The following ZAR1L variants were observed in gnomAD, a reference collection of about 807,000 sequenced individuals.
The protein encoded by ZAR1L is zygote arrest 1 like.
In ZAR1L, 16 loss-of-function variants were observed where a neutral mutation model predicts 30.0. That is an observed-to-expected ratio of 0.53 (90% confidence interval 0.36 to 0.81). The LOEUF (loss-of-function observed/expected upper bound fraction) is 0.81. Among genes scored for constraint, ZAR1L ranks in the 30% least tolerant of loss-of-function variants. ZAR1L has a pLI of 0.00. For synonymous variants in ZAR1L, 197 were observed against 166.8 expected (o/e 1.18, Z -1.40); for missense variants, 392 against 417.2 (o/e 0.94, Z 0.53).
chr13:32,314,184 A>G lies in ZAR1L; in HGVS notation c.-169+146T>C, dbSNP rs533771577. On this transcript the variant is annotated intron_variant, in intron 2 of 5. Coordinates refer to ENST00000533490, the MANE Select transcript of ZAR1L (RefSeq NM_001136571.2). ...TGTTTGGTAAGTGGCAGCTGTTATT[A>G]GTAAGGATCACAGACGTATTTCTTT... 3 of 151,496 alleles carry G rather than the reference A, an allele frequency of 2.0e-5. No individual in the cohort carries two copies. In the East Asian group the frequency reaches 5.9e-4, roughly 30 times the overall value. The allele number at this position is 151,496 out of a possible 1,614,324, so 9.4% of individuals were successfully genotyped here.
Position 32,310,745 on chromosome 13 carries a change from A to G in ZAR1L, c.655-14T>C, listed in dbSNP as rs1340126578. 5 of 1,516,126 alleles carry G rather than the reference A, an allele frequency of 3.3e-6. No individual in the cohort carries two copies. Among genetic ancestry groups the G allele is most frequent in the Non-Finnish European group, 4.5e-6 (5 of 1,114,710 alleles). 93.9% of individuals were successfully genotyped at this position (1,516,126 alleles called of 1,614,324 possible). On this transcript the variant is annotated splice_polypyrimidine_tract_variant and intron_variant, in intron 3 of 5. Coordinates refer to ENST00000533490, the MANE Select transcript of ZAR1L (RefSeq NM_001136571.2). ...TGGTTCCAAAAACTGAAAATAAAGAAGAAAAGTACTTTACCATCATGCAAG... is the reference window on the plus strand; with the variant it reads ...TGGTTCCAAAAACTGAAAATAAAGAGGAAAAGTACTTTACCATCATGCAAG...
At position 32,311,357 on chromosome 13, in the gene ZAR1L, T is replaced by A; in HGVS notation, c.569A>T (p.Lys190Ile). ...CGTCTCCTGAGGGCACGGGGCGTCTTTCTCCCCCGATTCCTCCAGCTGCCC... is the reference window on the plus strand; with the variant it reads ...CGTCTCCTGAGGGCACGGGGCGTCTATCTCCCCCGATTCCTCCAGCTGCCC... ...EPGQLEESGE[K>I]DAPCPQETKS... The change falls in exon 3 of 6, where the codon AAA becomes ATA. Residue 190 changes from lysine to isoleucine, a missense_variant. Coordinates refer to ENST00000533490, the MANE Select transcript of ZAR1L (RefSeq NM_001136571.2). 6.4e-7 allele frequency: 1 copy of A among 1,550,972 alleles called. No homozygotes were observed. Among genetic ancestry groups the A allele is most frequent in the South Asian group, 1.2e-5 (1 of 84,064 alleles).
chr13:32,311,695 G>A lies in ZAR1L; in HGVS notation c.231C>T (p.Pro77=), dbSNP rs1230258874. Residue 77 remains proline (P), a synonymous_variant, in exon 3 of 6, where the codon CCC becomes CCT. Transcript: ENST00000533490. ...QLKAILSQMN[P]SLSPRLCKPN... is the part of the protein sequence containing the mutation. ...GCTTGCACAGCCGCGGGCTCAGGCTGGGGTTCATCTGGGAGAGAATGGCCT... is the reference window on the plus strand; with the variant it reads ...GCTTGCACAGCCGCGGGCTCAGGCTAGGGTTCATCTGGGAGAGAATGGCCT... 1.9e-5 allele frequency: 29 copies of A among 1,551,688 alleles called. No individual in the cohort carries two copies. Among genetic ancestry groups the A allele is most frequent in the Non-Finnish European group, 2.5e-5 (29 of 1,147,004 alleles).
rs778268785 is a variant in ZAR1L at position 32,314,455 on chromosome 13, T to C, written c.-294A>G. The C allele has an allele frequency of 4.6e-5, 7 of 152,278 alleles. No homozygotes were observed. Among genetic ancestry groups the C allele is most frequent in the Non-Finnish European group, 7.3e-5 (5 of 68,056 alleles). 9.4% of individuals were successfully genotyped at this position (152,278 alleles called of 1,614,324 possible). ...TTTGTAGGTCTTACAACAAACCCTA[T>C]TCAGCCTTGTATTAGGCATGTTACA... is the stretch of plus-strand genomic sequence containing the variant. On this transcript the variant is annotated 5_prime_UTR_variant, in exon 2 of 6. Coordinates refer to ENST00000533490, the MANE Select transcript of ZAR1L (RefSeq NM_001136571.2).
intron 2 of ZAR1L, among the ~76,000 whole-genome samples, chr13:32,312,926 C>A (rs1288710889): frequency 6.6e-6 from 1 of 152,090 alleles, no homozygotes; most frequent in Admixed American, 6.5e-5. Flanking sequence ...CCATTTGCAA[C>A]AACATGGGTG....
At position 32,311,816 on chromosome 13, in the gene ZAR1L, T is replaced by G; in HGVS notation, c.110A>C (p.Asn37Thr). The change falls in exon 3 of 6, where the codon AAT becomes ACT. Residue 37 changes from asparagine (N) to threonine (T), a missense_variant. Coordinates refer to ENST00000533490, the MANE Select transcript of ZAR1L (RefSeq NM_001136571.2). ...SGHKQPDWRQNMGPPTFLARP... is the reference protein window; with the variant it reads ...SGHKQPDWRQTMGPPTFLARP... Reference sequence around the variant, plus strand: ...GGCCAGAAAAGTGGGAGGACCCATATTTTGCCTCCAGTCGGGCTGTTTGTG... The same window carrying G: ...GGCCAGAAAAGTGGGAGGACCCATAGTTTGCCTCCAGTCGGGCTGTTTGTG... The G allele has an allele frequency of 6.4e-7, 1 of 1,551,656 alleles. No individual in the cohort carries two copies. The highest frequency in any genetic ancestry group is 8.7e-7 in the Non-Finnish European group (1 of 1,146,994).
intron 5 of ZAR1L, among the ~76,000 whole-genome samples, chr13:32,305,515 T>C (rs192067060): frequency 6.6e-6 from 1 of 152,226 alleles, no homozygotes; most frequent in Non-Finnish European, 1.5e-5. Context: ...CGTGAGCCAC[T>C]GCACCCAGCC....
intron 5 of ZAR1L, among the ~76,000 whole-genome samples, chr13:32,305,494 G>A (rs574840107): frequency 6.6e-6 from 1 of 152,314 alleles, no homozygotes; most frequent in Non-Finnish European, 1.5e-5. Flanking sequence ...CCAAAGTGCT[G>A]GGATTACAGG....
At chr13:32,311,019 G>A (rs549019039) in intron 3 of ZAR1L, among the ~76,000 whole-genome samples, 6 of 152,242 alleles carry the variant, frequency 3.9e-5, no homozygotes, top group African/African-American at 9.6e-5. Flanking sequence ...GCCCTTCTTC[G>A]TCTCCAAATT....
intron 5 of ZAR1L, among the ~76,000 whole-genome samples, chr13:32,305,757 T>C (rs2072170010): frequency 6.6e-6 from 1 of 152,236 alleles, no homozygotes. Flanking sequence ...TAAAAATAAC[T>C]GTTTGGATCA....
rs1284343181 is a variant in ZAR1L at position 32,311,337 on chromosome 13, C to T, written c.589G>A (p.Glu197Lys). The stretch of plus-strand genomic sequence containing the variant: ...CCAGGCACCTGCTTGCTCTTCGTCT[C>T]CTGAGGGCACGGGGCGTCTTTCTCC... ...SGEKDAPCPQ[E>K]TKSKQVPGDA... Residue 197 changes from glutamate (E) to lysine (K), a missense_variant, in exon 3 of 6, where the codon GAG (glutamate) becomes AAG (lysine). Transcript: ENST00000533490. 1.9e-6 allele frequency: 3 copies of T among 1,550,950 alleles called. No individual in the cohort carries two copies. The highest frequency in any genetic ancestry group is 2.6e-6 in the Non-Finnish European group (3 of 1,146,984).
chr13:32,307,237 C>T (rs2072182211), intron 5 of ZAR1L, among the ~76,000 whole-genome samples: 2 of 152,056 alleles, frequency 1.3e-5, no homozygotes, highest in South Asian at 4.1e-4. Flanking sequence ...AGCGCAGTGG[C>T]TTACGCCTGT....
rs1470642741 is a variant in ZAR1L at position 32,303,721 on chromosome 13, T to C, written c.*158A>G. On this transcript the variant is annotated 3_prime_UTR_variant, in exon 6 of 6. Coordinates refer to ENST00000533490, the MANE Select transcript of ZAR1L (RefSeq NM_001136571.2). Reference sequence around the variant, plus strand: ...TGGTCTAGTTCACATGCATTTATTTTATTCTATTCACATTGTACAATTGTT... The same window carrying C: ...TGGTCTAGTTCACATGCATTTATTTCATTCTATTCACATTGTACAATTGTT... The C allele has an allele frequency of 4.6e-6, 3 of 652,940 alleles. No individual in the cohort carries two copies. The highest frequency in any genetic ancestry group is 7.3e-6 in the Non-Finnish European group (3 of 410,072). The allele number at this position is 652,940 out of a possible 1,614,324, so 40.4% of individuals were successfully genotyped here.
At position 32,311,891 on chromosome 13, in the gene ZAR1L, T is replaced by A. The variant is rs1346847227; in HGVS notation, c.35A>T (p.Tyr12Phe). ...AGGCACTGTGCTCCCATAACCCTGG[T>A]ACAAGCCATAGGGAACACGGACAAA... ...ERFVRVPYGL[Y>F]QGYGSTVPLG... Residue 12 changes from tyrosine to phenylalanine, a missense_variant, in exon 3 of 6, where the codon TAC becomes TTC. Physicochemically the swap from Tyr to Phe is conservative, Grantham distance 22. Coordinates refer to ENST00000533490, the MANE Select transcript of ZAR1L (RefSeq NM_001136571.2). 1.3e-6 allele frequency: 2 copies of A among 1,551,266 alleles called. No individual in the cohort carries two copies. The highest frequency in any genetic ancestry group is 1.7e-6 in the Non-Finnish European group (2 of 1,146,864).
chr13:32,309,282 G>A (rs1262863302), intron 4 of ZAR1L, among the ~76,000 whole-genome samples: 6 of 151,984 alleles, frequency 3.9e-5, no homozygotes, highest in Admixed American at 3.3e-4. Context: ...CTGAGCCACC[G>A]CATCCAGCCA....
Position 32,311,763 on chromosome 13 carries a change from C to A in ZAR1L, c.163G>T (p.Ala55Ser), listed in dbSNP as rs1449491146. ...ARPGLLVPAN[A>S]PDYCIDPYKR... Reference sequence around the variant, plus strand: ...TAAGGGTCAATGCAGTAGTCAGGGGCGTTCGCGGGCACCAGCAGCCCTGGC... The same window carrying A: ...TAAGGGTCAATGCAGTAGTCAGGGGAGTTCGCGGGCACCAGCAGCCCTGGC... Residue 55 changes from alanine to serine, a missense_variant, in exon 3 of 6, where the codon GCC becomes TCC. Ala to Ser is a moderately conservative substitution (Grantham distance 99). Transcript: ENST00000533490. 6.4e-7 allele frequency: 1 copy of A among 1,551,672 alleles called. No homozygotes were observed. The highest frequency in any genetic ancestry group is 8.7e-7 in the Non-Finnish European group (1 of 1,147,002).
At chr13:32,312,734 C>T (rs1023181785) in intron 2 of ZAR1L, among the ~76,000 whole-genome samples, 2 of 151,978 alleles carry the variant, frequency 1.3e-5, no homozygotes, top group East Asian at 1.9e-4. Context: ...AAAAATCAGC[C>T]GGGTATGGTG....
intron 5 of ZAR1L, among the ~76,000 whole-genome samples, chr13:32,305,668 T>G (rs1335551259): frequency 6.6e-6 from 1 of 152,248 alleles, no homozygotes; most frequent in Non-Finnish European, 1.5e-5. Context: ...GGATTTACCC[T>G]AAAGGTTGAT....
rs2072217819 is a variant in ZAR1L at position 32,312,018 on chromosome 13, TTCA to T, written c.-96_-94del. 2.2e-6 allele frequency: 3 copies of T among 1,366,424 alleles called. No individual in the cohort carries two copies. The Admixed American group carries it at 8.2e-5, about 38-fold the overall frequency. The allele number at this position is 1,366,424 out of a possible 1,614,324, so 84.6% of individuals were successfully genotyped here. A position where few individuals can be genotyped will look rare whatever the true frequency, so the allele number is the denominator to read the frequency against. ...CTCCTTCATCCGCCCCTTCTTTCTC[TTCA>T]TCAGGTTGGTTCAGATTCATTCCTG... is the stretch of plus-strand genomic sequence containing the variant. On this transcript the variant is annotated 5_prime_UTR_variant, in exon 3 of 6. The change abolishes an upstream ATG in the 5' untranslated region. Coordinates refer to ENST00000533490, the MANE Select transcript of ZAR1L (RefSeq NM_001136571.2).
Sources: allele counts gnomAD v4.1 joint callset (sites outside exome capture counted in the v4.1 genomes callset), GRCh38; gene constraint gnomAD v4.1.1; transcripts MANE v1.5; gene names NCBI Gene and HGNC (gene_info 2026-07-23, HGNC 2026-07-21).